The following EVI5L variants were observed in gnomAD, a reference collection of about 807,000 sequenced individuals.
The protein encoded by EVI5L is EVI5-like protein.
EVI5L carries 30 observed loss-of-function variants against 106.1 expected under a neutral mutation model. The observed-to-expected ratio is 0.28, with a 90% CI of 0.21 to 0.38. The LOEUF (loss-of-function observed/expected upper bound fraction) is 0.38, where lower values mean the gene tolerates loss of function less well. Among genes scored for constraint, EVI5L ranks in the 10% least tolerant of loss-of-function variants. EVI5L has a pLI of 1.00. For missense variants in EVI5L, 809 were observed against 1,098.0 expected, an observed-to-expected ratio of 0.74 and a Z score of 3.72; for synonymous variants, 489 against 483.3, an observed-to-expected ratio of 1.01 and a Z score of -0.15.
chr19:7,838,943 C>T (rs1342180157), intron 1 of EVI5L, among the ~76,000 whole-genome samples: 1 of 151,538 alleles, frequency 6.6e-6, no homozygotes. Context: ...GAACAGTGAG[C>T]TATGATCATA....
At chr19:7,855,677 A>G (rs1240286022) in intron 10 of EVI5L, among the ~76,000 whole-genome samples, 1 of 152,112 alleles carries the variant, frequency 6.6e-6, no homozygotes, top group African/African-American at 2.4e-5. Flanking sequence ...TTCCCGCACA[A>G]CCCTTGGCAG....
Position 7,848,400 on chromosome 19 carries a change from C to T in EVI5L, c.327+479C>T, listed in dbSNP as rs1979066660. Among the ~76,000 whole-genome samples, 1 of 152,190 alleles carries T rather than the reference C, an allele frequency of 6.6e-6. No homozygotes were observed. Among genetic ancestry groups the T allele is most frequent in the Non-Finnish European group, 1.5e-5 (1 of 68,032 alleles). ...TCACCTAAGGTCAGGAGTTCAAGAC[C>T]AGCCTGGCCAACATGGCGAAACTCC... On this transcript the variant is annotated intron_variant, in intron 3 of 19. Transcript: ENST00000538904. This position sits in a 1 kb window ranked among gnomAD's most constrained non-coding sequence, Gnocchi z 4.8.
chr19:7,854,035 A>G (rs1979402983), intron 10 of EVI5L, among the ~76,000 whole-genome samples: 1 of 152,206 alleles, frequency 6.6e-6, no homozygotes, highest in African/African-American at 2.4e-5. Flanking sequence ...TAATCCCAGC[A>G]CTTTGGGAGG....
At position 7,856,546 on chromosome 19, in the gene EVI5L, G is replaced by C. The variant is rs987622091; in HGVS notation, c.1200+478G>C. On this transcript the variant is annotated intron_variant, in intron 11 of 19. Transcript: ENST00000538904. This position sits in a 1 kb window ranked among gnomAD's most constrained non-coding sequence, Gnocchi z 6.6. ...CTGCTCCCCAACATGCTAAAGATGG[G>C]GGTGGAATTGGGGGCTCACTGAGCC... Among the ~76,000 whole-genome samples, 4 of 152,034 alleles carry C rather than the reference G, an allele frequency of 2.6e-5. No individual in the cohort carries two copies. Among genetic ancestry groups the C allele is most frequent in the African/African-American group, 9.7e-5 (4 of 41,402 alleles).
intron 1 of EVI5L, among the ~76,000 whole-genome samples, chr19:7,833,115 T>G (rs1978301152): frequency 1.3e-5 from 2 of 152,210 alleles, no homozygotes; most frequent in African/African-American, 4.8e-5. Flanking sequence ...GAACGCAGTT[T>G]TACCCGAGAC....
chr19:7,854,308 G>GA (rs36071235), intron 10 of EVI5L, among the ~76,000 whole-genome samples: 51,547 of 147,384 alleles, frequency 0.35, 9,807 homozygotes, highest in South Asian at 0.65. Context: ...GAAAAGAAAA[G>GA]AAAAAAAACA....
chr19:7,853,403 G>A, intron 10 of EVI5L, 70 bp downstream of exon 10: 1 of 1,555,804 alleles, frequency 6.4e-7, no homozygotes, highest in South Asian at 1.2e-5. Context: ...GTACTCTAAA[G>A]ATCGGCCGCT....
rs1025405682 is a variant in EVI5L, at chr19:7,863,670, G to A, written c.2386G>A (p.Ala796Thr). 2.6e-6 allele frequency: 4 copies of A among 1,530,036 alleles called. No homozygotes were observed. Among genetic ancestry groups the A allele is most frequent in the African/African-American group, 2.8e-5 (2 of 72,028 alleles). 94.8% of individuals were successfully genotyped at this position (1,530,036 alleles called of 1,614,324 possible). Residue 796 changes from alanine (A) to threonine (T), a missense_variant, in exon 20 of 20, where the codon GCC becomes ACC. Coordinates refer to ENST00000538904, the MANE Select transcript of EVI5L (RefSeq NM_001159944.3). The surrounding 1 kb of genome is among the most constrained non-coding windows in gnomAD (Gnocchi z 7.7). The part of the protein sequence containing the change: ...GSSDSDADEL[A>T]APYSQGLDN ...CTCAGACAGCGACGCCGATGAGCTG[G>A]CCGCGCCCTACAGCCAGGGTCTGGA...
Position 7,847,920 on chromosome 19 carries a change from A to G in EVI5L, c.326A>G (p.Lys109Arg). 6.5e-7 allele frequency: 1 copy of G among 1,544,468 alleles called. No homozygotes were observed. The highest frequency in any genetic ancestry group is 8.8e-7 in the Non-Finnish European group (1 of 1,142,428). The change falls in exon 3 of 20, where the codon AAG becomes AGG. Residue 109 changes from lysine to arginine, a missense_variant and splice_region_variant. This residue lies in a region of EVI5L where 357 missense variants were observed against 588.1 expected (regional missense o/e 0.61). Transcript: ENST00000538904. ...EWRRRKEKLL[K>R]ELIRKGIPHH... ...CGGCGCAGGAAGGAGAAGCTGCTCA[A>G]GGTGGGGGGCGGCCAGGCAGGCAGG... is the stretch of plus-strand genomic sequence containing the variant.
intron 6 of EVI5L, among the ~76,000 whole-genome samples, chr19:7,851,171 G>A (rs549737948): frequency 1.3e-5 from 2 of 152,142 alleles, no homozygotes; most frequent in East Asian, 1.9e-4. Context: ...TGCCACGGGC[G>A]CATCACCTAC....
intron 1 of EVI5L, among the ~76,000 whole-genome samples, chr19:7,837,132 A>G: frequency 6.7e-6 from 1 of 149,262 alleles, no homozygotes; most frequent in East Asian, 2.1e-4. Context: ...GGAGTTCAAA[A>G]CCAGCCTGGC....
chr19:7,843,899 C>T (rs1406416343), intron 1 of EVI5L, among the ~76,000 whole-genome samples: 3 of 151,940 alleles, frequency 2.0e-5, no homozygotes, highest in Admixed American at 6.6e-5. Context: ...GAGAAAGTTC[C>T]GGTGGGATCA....
At chr19:7,843,434 G>A (rs1978783597) in intron 1 of EVI5L, among the ~76,000 whole-genome samples, 1 of 12,886 alleles carries the variant, frequency 7.8e-5, no homozygotes, top group African/African-American at 1.7e-4. Context: ...TGTGTCGAGA[G>A]TGTGTGTGTA....
Position 7,853,123 on chromosome 19 carries a change from G to A in EVI5L, c.1025G>A (p.Cys342Tyr). ...GTGATCCCCCACCAGTTCGACAGCT[G>A]CCCGGACAAGCTGGTCCTCAAAGCC... ...QRVIPHQFDSCPDKLVLKAYQ... is the reference protein window; with the variant it reads ...QRVIPHQFDSYPDKLVLKAYQ... Residue 342 changes from cysteine (C) to tyrosine (Y), a missense_variant, in exon 9 of 20, where the codon TGC becomes TAC. Coordinates refer to ENST00000538904, the MANE Select transcript of EVI5L (RefSeq NM_001159944.3). The A allele has an allele frequency of 1.2e-6, 2 of 1,613,962 alleles. No homozygotes were observed. The highest frequency in any genetic ancestry group is 1.7e-6 in the Non-Finnish European group (2 of 1,180,042).
At chr19:7,844,682 C>A (rs1202299487) in intron 1 of EVI5L, among the ~76,000 whole-genome samples, 3 of 152,224 alleles carry the variant, frequency 2.0e-5, no homozygotes, top group Non-Finnish European at 4.4e-5. Context: ...TGGTGCCCAG[C>A]AGCTTGGTCT....
Position 7,848,877 on chromosome 19 carries a change from C to T in EVI5L, c.328-44C>T, listed in dbSNP as rs557387. On this transcript the variant is annotated intron_variant, in intron 3 of 19. Transcript: ENST00000538904. The surrounding 1 kb of genome is among the most constrained non-coding windows in gnomAD (Gnocchi z 4.8). Reference sequence around the variant, plus strand: ...GGGCTGGGTGGCCACGGGGAGGCTGCGCTGGGACCGAGTCCAGCCCCCGCT... The same window carrying T: ...GGGCTGGGTGGCCACGGGGAGGCTGTGCTGGGACCGAGTCCAGCCCCCGCT... The T allele has an allele frequency of 4.7e-3, 7,464 of 1,576,848 alleles. 310 individuals are homozygous for T. In the African/African-American group the frequency reaches 0.086, roughly 18 times the overall value.
chr19:7,849,420 C>A, intron 5 of EVI5L, 90 bp downstream of exon 5: 1 of 1,391,164 alleles, frequency 7.2e-7, no homozygotes, highest in Non-Finnish European at 1.0e-6. Context: ...GGCGTGTCCT[C>A]CACCCAGCGT....
intron 1 of EVI5L, among the ~76,000 whole-genome samples, chr19:7,834,085 G>A (rs542295590): frequency 2.2e-4 from 33 of 152,308 alleles, no homozygotes; most frequent in African/African-American, 6.7e-4. Context: ...GGTGGCTCAC[G>A]CCTGTAATCC....
chr19:7,853,377 T>C (rs777936469), intron 10 of EVI5L, 44 bp downstream of exon 10: 18 of 1,580,752 alleles, frequency 1.1e-5, no homozygotes, highest in South Asian at 3.4e-5. Flanking sequence ...TGGGAGGCCT[T>C]TGGGGGCTGC....
Sources: gnomAD v4.1 joint callset for allele counts (sites outside exome capture counted in the v4.1 genomes callset) on GRCh38, gnomAD v4.1.1 for gene constraint, gnomAD v4.1.1 regional missense constraint, Gnocchi (gnomAD v3.1) non-coding constraint, MANE v1.5 for transcripts, NCBI Gene and HGNC (gene_info 2026-07-23, HGNC 2026-07-21) for gene names.